The following RASEF variants were observed in gnomAD, a reference collection of about 807,000 sequenced individuals.
RASEF encodes ras and EF-hand domain-containing protein.
A neutral mutation model predicts 90.1 loss-of-function variants in RASEF; 68 were observed. The ratio of observed to expected loss-of-function variants is 0.75; its 90% confidence interval spans 0.62 to 0.92. RASEF has a LOEUF of 0.92. Ranked by LOEUF, RASEF falls within the 40% of genes least tolerant of loss-of-function variation. The pLI, the probability that RASEF is intolerant of heterozygous loss-of-function variation, is 0.00. For missense variants in RASEF, 949 were observed against 937.2 expected (o/e 1.01, Z -0.16); for synonymous variants, 331 against 345.2 (o/e 0.96, Z 0.46).
chr9:83,151,068 G>T, the RASEF span, among the ~76,000 whole-genome samples: 1 of 151,380 alleles, frequency 6.6e-6, no homozygotes, highest in African/African-American at 2.4e-5. Flanking sequence ...AATAGCAACT[G>T]CAGTAATTAT....
chr9:83,055,544 C>T (rs1339873393), intron 1 of RASEF: 1 of 708,698 alleles, frequency 1.4e-6, no homozygotes, highest in Non-Finnish European at 2.6e-6. Context: ...CGGAGCTGTT[C>T]CTATTCGGCC....
intron 2 of RASEF, among the ~76,000 whole-genome samples, chr9:83,024,751 C>A (rs980894144): frequency 2.0e-5 from 3 of 152,206 alleles, no homozygotes; most frequent in African/African-American, 7.2e-5. Flanking sequence ...AAAATATTTT[C>A]TTTTCTACAT....
the RASEF span, among the ~76,000 whole-genome samples, chr9:83,079,653 C>T: frequency 1.8e-4 from 28 of 152,148 alleles, no homozygotes; most frequent in Admixed American, 1.8e-3. Context: ...ACTATGTTAA[C>T]AGCCTTGCGA....
chr9:83,151,016 T>C, the RASEF span, among the ~76,000 whole-genome samples: 1 of 152,184 alleles, frequency 6.6e-6, no homozygotes, highest in African/African-American at 2.4e-5. Context: ...AAGGTAAGTA[T>C]TAAAAATGAA....
chr9:83,048,865 AC>A, intron 1 of RASEF: 1 of 679,298 alleles, frequency 1.5e-6, no homozygotes. Context: ...GCAGTGGCTC[AC>A]GCCTGTCATC....
At chr9:82,991,673 T>G (rs1192246815) in intron 15 of RASEF, among the ~76,000 whole-genome samples, 6 of 152,194 alleles carry the variant, frequency 3.9e-5, no homozygotes, top group African/African-American at 1.4e-4. Flanking sequence ...CCATCAGTGC[T>G]GGTGTTGACT....
chr9:83,087,864 TTTGAG>T, the RASEF span, among the ~76,000 whole-genome samples: 3 of 152,222 alleles, frequency 2.0e-5, no homozygotes, highest in African/African-American at 7.2e-5. Context: ...AGGGGACTGA[TTTGAG>T]TTATTTAATA....
intron 1 of RASEF, among the ~76,000 whole-genome samples, chr9:83,041,916 C>T (rs1829850607): frequency 6.6e-6 from 1 of 152,216 alleles, no homozygotes; most frequent in Non-Finnish European, 1.5e-5. Flanking sequence ...CAAACACCAT[C>T]TGCCAACAGA....
the RASEF span, among the ~76,000 whole-genome samples, chr9:83,083,486 T>C: frequency 6.6e-6 from 1 of 152,112 alleles, no homozygotes; most frequent in Non-Finnish European, 1.5e-5. Context: ...CTACAAAATA[T>C]TTCAAAAACC....
At chr9:83,059,072 T>G (rs1830158373) in intron 1 of RASEF, among the ~76,000 whole-genome samples, 1 of 152,142 alleles carries the variant, frequency 6.6e-6, no homozygotes. Context: ...GTGGTTCCAG[T>G]GCCAGCTGCA....
chr9:83,081,742 G>A, the RASEF span, among the ~76,000 whole-genome samples: 41 of 152,118 alleles, frequency 2.7e-4, no homozygotes, highest in Non-Finnish European at 4.6e-4. Flanking sequence ...CCATTGCTCC[G>A]AGAGTTTTAG....
chr9:83,091,475 G>A, the RASEF span, among the ~76,000 whole-genome samples: 1 of 152,096 alleles, frequency 6.6e-6, no homozygotes, highest in Non-Finnish European at 1.5e-5. Context: ...GCAACACTGG[G>A]ACCTGGGAGG....
chr9:83,140,334 C>T, the RASEF span, among the ~76,000 whole-genome samples: 5 of 152,262 alleles, frequency 3.3e-5, no homozygotes, highest in South Asian at 6.2e-4. Flanking sequence ...CCACATTTTA[C>T]CTCTAATGCA....
chr9:83,060,872 T>C (rs1038665818), intron 1 of RASEF, among the ~76,000 whole-genome samples: 2 of 152,126 alleles, frequency 1.3e-5, no homozygotes, highest in African/African-American at 2.4e-5. Context: ...TCTGAAGAAT[T>C]TGGAAAGGCA....
upstream of RASEF, among the ~76,000 whole-genome samples, chr9:83,064,075 T>G (rs1398200933): frequency 1.3e-5 from 2 of 152,246 alleles, no homozygotes; most frequent in Non-Finnish European, 2.9e-5. Flanking sequence ...TCATTCTGGA[T>G]TCTCTTTATC....
the RASEF span, among the ~76,000 whole-genome samples, chr9:83,144,378 AG>A: frequency 1.7e-5 from 1 of 58,038 alleles, no homozygotes; most frequent in African/African-American, 8.5e-5. Flanking sequence ...AAAGAAAGAA[AG>A]AAAGAAAGAA....
chr9:83,077,784 C>A, the RASEF span, among the ~76,000 whole-genome samples: 2 of 152,136 alleles, frequency 1.3e-5, no homozygotes, highest in East Asian at 3.8e-4. Flanking sequence ...TTGGATAATA[C>A]CATGACACGT....
the RASEF span, among the ~76,000 whole-genome samples, chr9:83,097,912 GGCCTTT>G: frequency 6.6e-6 from 1 of 152,072 alleles, no homozygotes; most frequent in Non-Finnish European, 1.5e-5. Context: ...TTCCTAGGTA[GGCCTTT>G]TATAGGCACT....
intron 1 of RASEF, among the ~76,000 whole-genome samples, chr9:83,037,213 A>G (rs374411052): frequency 6.6e-6 from 1 of 152,320 alleles, no homozygotes. Context: ...ACAAATGCAA[A>G]GAGTGAAATG....
Sources: allele counts gnomAD v4.1 joint callset (sites outside exome capture counted in the v4.1 genomes callset), GRCh38; gene constraint gnomAD v4.1.1; transcripts MANE v1.5; gene names NCBI Gene and HGNC (gene_info 2026-07-23, HGNC 2026-07-21).